The following POLN variants were observed in gnomAD, a reference collection of about 807,000 sequenced individuals.
POLN encodes DNA polymerase N.
Under a neutral mutation model 113.5 loss-of-function variants are expected in POLN, and 108 were observed. The ratio of observed to expected loss-of-function variants is 0.95; its 90% CI spans 0.81 to 1.12. The LOEUF is 1.12. POLN is among the 50% of genes most tolerant of loss of function. The pLI, the probability that POLN is intolerant of heterozygous loss-of-function variation, is 0.00. For missense variants in POLN, 1,097 were observed against 1,077.1 expected (o/e 1.02, Z -0.26); for synonymous variants, 386 against 391.5 (o/e 0.99, Z 0.17).
intron 7 of POLN, among the ~76,000 whole-genome samples, chr4:2,189,052 T>C (rs1002446562): frequency 6.6e-6 from 1 of 152,144 alleles, no homozygotes; most frequent in African/African-American, 2.4e-5. Flanking sequence ...CTGGTTTTTG[T>C]AACCACAAAG....
chr4:2,123,631 AAAAAAAAAAAAAAAG>A (rs1731503386), intron 19 of POLN, among the ~76,000 whole-genome samples: 4 of 150,576 alleles, frequency 2.7e-5, no homozygotes, highest in African/African-American at 4.9e-5. Context: ...TCTCAAAAAA[AAAAAAAAAAAAAAAG>A]AAAAAAAAAT....
At chr4:2,240,241 C>T in intron 2 of POLN, 2 of 1,613,618 alleles carry the variant, frequency 1.2e-6, no homozygotes, top group Non-Finnish European at 1.7e-6. Flanking sequence ...TGAAAATTGT[C>T]TTCATTTGAA....
intron 3 of POLN, among the ~76,000 whole-genome samples, chr4:2,218,697 T>C (rs1418179941): frequency 6.6e-6 from 1 of 152,160 alleles, no homozygotes; most frequent in Non-Finnish European, 1.5e-5. Context: ...ATATTGTCCA[T>C]TCAGAGTGAA....
chr4:2,232,147 TG>T (rs1734605687), intron 2 of POLN: 9 of 1,523,354 alleles, frequency 5.9e-6, no homozygotes, highest in Non-Finnish European at 8.0e-6. Flanking sequence ...TTTATGAAAC[TG>T]CTCTGTTAAC....
At chr4:2,087,735 T>C (rs1303976701) in intron 20 of POLN, among the ~76,000 whole-genome samples, 7 of 152,228 alleles carry the variant, frequency 4.6e-5, no homozygotes, top group Admixed American at 3.3e-4. Context: ...GGTTAAGCTA[T>C]TCTGTTTCTT....
chr4:2,138,040 T>C (rs1731904001), intron 16 of POLN, among the ~76,000 whole-genome samples: 2 of 152,120 alleles, frequency 1.3e-5, no homozygotes, highest in Admixed American at 6.5e-5. Flanking sequence ...GGTTTCATCA[T>C]GTTGGCCAGG....
intron 17 of POLN, 105 bp downstream of exon 17, chr4:2,131,128 T>G: frequency 2.9e-5 from 22 of 771,192 alleles, no homozygotes; most frequent in Non-Finnish European, 4.2e-5. Flanking sequence ...AAGGCTGCAG[T>G]GAGCTGTGAT....
At chr4:2,177,299 C>T in intron 8 of POLN, 1 of 484,774 alleles carries the variant, frequency 2.1e-6, no homozygotes, top group South Asian at 1.5e-5. Context: ...GCCTCCTTCT[C>T]CCCAGGTTGG....
chr4:2,077,844 A>C (rs948419653), intron 23 of POLN, among the ~76,000 whole-genome samples: 2 of 152,200 alleles, frequency 1.3e-5, no homozygotes, highest in Non-Finnish European at 2.9e-5. Flanking sequence ...TGAAAGAAGA[A>C]GGACGTCTGT....
intron 3 of POLN, among the ~76,000 whole-genome samples, chr4:2,215,740 G>T (rs969515222): frequency 9.9e-5 from 15 of 152,212 alleles, no homozygotes; most frequent in African/African-American, 3.6e-4. Context: ...CTTCAGGGAC[G>T]TTCTGGGAGC....
intron 7 of POLN, among the ~76,000 whole-genome samples, chr4:2,182,759 T>A (rs150297654): frequency 2.5e-4 from 38 of 151,768 alleles, no homozygotes; most frequent in African/African-American, 8.2e-4. Context: ...GATTAAACAA[T>A]AGTTTCTTAG....
At position 2,242,036 on chromosome 4, in the gene POLN, G is replaced by C; in HGVS notation, c.-284+15C>G. ...CCACACCCCTGCGCCCAGAACCGAGGCCCGCGTCAGTCACCTCAGGAAGTT... is the reference window on the plus strand; with the variant it reads ...CCACACCCCTGCGCCCAGAACCGAGCCCCGCGTCAGTCACCTCAGGAAGTT... On this transcript the variant is annotated intron_variant, in intron 1 of 25. Coordinates refer to ENST00000511885, the MANE Select transcript of POLN (RefSeq NM_181808.4). 6.1e-6 allele frequency: 6 copies of C among 985,610 alleles called. No homozygotes were observed. Among genetic ancestry groups the C allele is most frequent in the Non-Finnish European group, 7.2e-6 (6 of 830,044 alleles). 61.1% of individuals were successfully genotyped at this position (985,610 alleles called of 1,614,324 possible).
chr4:2,144,625 T>C (rs115381257), intron 16 of POLN, among the ~76,000 whole-genome samples: 1,564 of 152,240 alleles, frequency 0.01, 30 homozygotes, highest in African/African-American at 0.035. Context: ...CTAGTGAATA[T>C]AGGCTGTAAG....
At chr4:2,167,014 T>C (rs145166324) in intron 13 of POLN, among the ~76,000 whole-genome samples, 3 of 152,192 alleles carry the variant, frequency 2.0e-5, no homozygotes, top group Non-Finnish European at 4.4e-5. Context: ...CTCGCTGGAA[T>C]AGATATTCCA....
intron 16 of POLN, chr4:2,156,309 C>T: frequency 2.7e-6 from 1 of 370,070 alleles, no homozygotes; most frequent in South Asian, 2.0e-5. Flanking sequence ...AAATACAGAG[C>T]CATTTAGAAA....
At chr4:2,238,969 G>A (rs763761695) in intron 2 of POLN, 2 of 1,587,112 alleles carry the variant, frequency 1.3e-6, no homozygotes, top group African/African-American at 1.4e-5. Flanking sequence ...TTATTTGAGT[G>A]ACCTCTTTTT....
intron 21 of POLN, among the ~76,000 whole-genome samples, chr4:2,085,200 C>T (rs979404211): frequency 2.6e-5 from 4 of 152,140 alleles, no homozygotes; most frequent in African/African-American, 9.7e-5. Context: ...TATGAAACCA[C>T]CTTTTCATTG....
At chr4:2,205,874 CAAAA>C (rs59182481) in intron 5 of POLN, among the ~76,000 whole-genome samples, 2 of 82,046 alleles carry the variant, frequency 2.4e-5, no homozygotes, top group Non-Finnish European at 2.9e-5. Flanking sequence ...GACTCTGTCT[CAAAA>C]AAAAAAAAAA....
At chr4:2,105,025 C>T (rs1731028789) in intron 19 of POLN, among the ~76,000 whole-genome samples, 1 of 152,184 alleles carries the variant, frequency 6.6e-6, no homozygotes, top group Non-Finnish European at 1.5e-5. Flanking sequence ...GAGATCTGCC[C>T]CCCACCATCC....
Sources: gnomAD v4.1 joint callset for allele counts (sites outside exome capture counted in the v4.1 genomes callset) on GRCh38, gnomAD v4.1.1 for gene constraint, MANE v1.5 for transcripts, NCBI Gene and HGNC (gene_info 2026-07-23, HGNC 2026-07-21) for gene names.